NCAM1: variants seen among roughly 807,000 people sequenced by gnomAD.
NCAM1 encodes the protein neural cell adhesion molecule 1, also known as antigen recognized by monoclonal antibody 5.1H11.
NCAM1 carries 14 observed loss-of-function variants against 109.8 expected under a neutral mutation model. The ratio of observed to expected loss-of-function variants is 0.13; its 90% CI spans 0.08 to 0.20. The LOEUF is 0.20. Ranked by LOEUF, NCAM1 falls within the 10% of genes least tolerant of loss-of-function variation. The pLI, the probability that NCAM1 is intolerant of heterozygous loss-of-function variation, is 1.00. For synonymous variants in NCAM1, 418 were observed against 442.9 expected (o/e 0.94, Z 0.70); for missense variants, 774 against 1,109.9 (o/e 0.70, Z 4.30).
rs782342705 is a variant in NCAM1 at position 113,275,365 on chromosome 11, A to G, written c.2555A>G (p.Lys852Arg). 1.9e-6 allele frequency: 3 copies of G among 1,613,252 alleles called. No homozygotes were observed. The South Asian group carries it at 3.3e-5, about 18-fold the overall frequency. ...GTCCCCAATGACGCCACACAGACAAAGGAGAACGAGAGCAAAGCATGATGG... is the reference window on the plus strand; with the variant it reads ...GTCCCCAATGACGCCACACAGACAAGGGAGAACGAGAGCAAAGCATGATGG... ...KTVPNDATQT[K>R]ENESKA The change falls in exon 20 of 20, where the codon AAG (lysine) becomes AGG (arginine). Residue 852 changes from lysine to arginine, a missense_variant. This residue lies in a region of NCAM1 where 122 missense variants were observed against 129.7 expected (regional missense o/e 0.94). Transcript: ENST00000316851.
chr11:113,014,622 A>T (rs1555075007), intron 1 of NCAM1, among the ~76,000 whole-genome samples: 1 of 152,214 alleles, frequency 6.6e-6, no homozygotes, highest in African/African-American at 2.4e-5. Context: ...ACATAAGAGA[A>T]GTAGTTTGGG....
At chr11:113,082,273 G>T (rs1376557423) in intron 1 of NCAM1, among the ~76,000 whole-genome samples, 1 of 152,136 alleles carries the variant, frequency 6.6e-6, no homozygotes, top group Non-Finnish European at 1.5e-5. Flanking sequence ...TACTCTTAAG[G>T]CTACTTGGTA....
intron 1 of NCAM1, among the ~76,000 whole-genome samples, chr11:113,014,419 T>C (rs1209021352): frequency 7.2e-5 from 11 of 152,080 alleles, no homozygotes; most frequent in Non-Finnish European, 1.0e-4. Flanking sequence ...AGAGCCAGCT[T>C]GTAAAGTTAT....
intron 1 of NCAM1, among the ~76,000 whole-genome samples, chr11:113,129,005 AG>A (rs1432550251): frequency 1.3e-5 from 2 of 152,078 alleles, no homozygotes; most frequent in Admixed American, 6.5e-5. Context: ...GAGATTATAT[AG>A]AGCAAAAAAC....
At chr11:113,115,748 C>T (rs956278775) in intron 1 of NCAM1, among the ~76,000 whole-genome samples, 10 of 152,264 alleles carry the variant, frequency 6.6e-5, no homozygotes, top group Middle Eastern at 3.4e-3. Context: ...ATGCACTAGT[C>T]GAGAAACAGT....
At position 113,207,269 on chromosome 11, in the gene NCAM1, A is replaced by G; in HGVS notation, c.637A>G (p.Thr213Ala). 1 of 1,613,744 alleles carries G rather than the reference A, an allele frequency of 6.2e-7. No individual in the cohort carries two copies. The highest frequency in any genetic ancestry group is 8.5e-7 in the Non-Finnish European group (1 of 1,179,746). ...ACCCTTTTTTCCTTCAGTGCCACCT[A>G]CCATCCAGGCCAGGCAGAATATTGT... ...DIQVIVNVPP[T>A]IQARQNIVNA... Residue 213 changes from threonine to alanine, a missense_variant, in exon 6 of 20, where the codon ACC becomes GCC. By Grantham distance (58) the Thr-to-Ala change is moderately conservative. Transcript: ENST00000316851.
intron 1 of NCAM1, among the ~76,000 whole-genome samples, chr11:113,131,694 A>G (rs1170552060): frequency 6.6e-6 from 1 of 152,150 alleles, no homozygotes; most frequent in Non-Finnish European, 1.5e-5. Flanking sequence ...CAGGATGTCA[A>G]ATCTCTGCTG....
At chr11:113,153,655 G>A (rs888327355) in intron 1 of NCAM1, among the ~76,000 whole-genome samples, 2 of 152,200 alleles carry the variant, frequency 1.3e-5, no homozygotes, top group African/African-American at 4.8e-5. Context: ...GTGAGCAGTT[G>A]TATGTCTGAA....
chr11:112,972,864 AG>A (rs1230114821), intron 1 of NCAM1, among the ~76,000 whole-genome samples: 2 of 152,030 alleles, frequency 1.3e-5, no homozygotes, highest in Non-Finnish European at 2.9e-5. Context: ...GAAGGAAAGG[AG>A]GGCTGCTAGT....
chr11:113,128,068 T>A (rs1481699825), intron 1 of NCAM1, among the ~76,000 whole-genome samples: 1 of 152,224 alleles, frequency 6.6e-6, no homozygotes, highest in African/African-American at 2.4e-5. Flanking sequence ...TGGCCTGGTC[T>A]TATATTTTTC....
chr11:113,167,872 C>CGGGGTGT (rs1555105520), intron 1 of NCAM1, among the ~76,000 whole-genome samples: 1 of 152,044 alleles, frequency 6.6e-6, no homozygotes, highest in Non-Finnish European at 1.5e-5. Context: ...GGCGGTTGGG[C>CGGGGTGT]AGGGTGTATT....
At chr11:113,263,918 G>T (rs1946076454) in intron 17 of NCAM1, 1 of 985,416 alleles carries the variant, frequency 1.0e-6, no homozygotes, top group Non-Finnish European at 1.2e-6. Context: ...CAACCTGTCA[G>T]TGCTTCCTGA....
At chr11:113,186,572 C>A (rs1943514703) in intron 1 of NCAM1, among the ~76,000 whole-genome samples, 1 of 152,218 alleles carries the variant, frequency 6.6e-6, no homozygotes, top group Admixed American at 6.5e-5. Flanking sequence ...TACCTTCATT[C>A]CACATTCTTG....
chr11:113,231,468 T>C (rs1362461749), intron 9 of NCAM1, 177 bp from the exon 10 acceptor site: 3 of 861,438 alleles, frequency 3.5e-6, no homozygotes, highest in African/African-American at 3.4e-5. Context: ...TCCCAGTGCC[T>C]CCCCCATTAG....
Position 112,962,186 on chromosome 11 carries a change from C to T in NCAM1, c.52+522C>T, listed in dbSNP as rs1591189165. 6.6e-6 allele frequency among the ~76,000 whole-genome samples: 1 copy of T among 152,198 alleles called. No homozygotes were observed. The highest frequency in any genetic ancestry group is 2.4e-5 in the African/African-American group (1 of 41,454). On this transcript the variant is annotated intron_variant, in intron 1 of 19. Coordinates refer to ENST00000316851, the MANE Select transcript of NCAM1 (RefSeq NM_181351.5). This position sits in a 1 kb window ranked among gnomAD's most constrained non-coding sequence, Gnocchi z 5.6. ...AAGTCAGGATCGCTGCTTTGCTTCC[C>T]CCGCCCCAGAAGAATAACGGTTTGC... is the stretch of plus-strand genomic sequence containing the variant.
intron 1 of NCAM1, among the ~76,000 whole-genome samples, chr11:113,044,401 T>C (rs1953189255): frequency 6.6e-6 from 1 of 152,168 alleles, no homozygotes; most frequent in Non-Finnish European, 1.5e-5. Flanking sequence ...ACATGATTTG[T>C]AGGCTGGGTG....
intron 1 of NCAM1, among the ~76,000 whole-genome samples, chr11:113,107,217 T>A (rs1419768408): frequency 6.6e-6 from 1 of 152,186 alleles, no homozygotes; most frequent in Non-Finnish European, 1.5e-5. Flanking sequence ...GGGTTCTTGT[T>A]CCTGCTCTAC....
intron 7 of NCAM1, among the ~76,000 whole-genome samples, chr11:113,211,756 C>G (rs1221612963): frequency 6.6e-6 from 1 of 152,190 alleles, no homozygotes; most frequent in Non-Finnish European, 1.5e-5. Flanking sequence ...AGTGTCCAAC[C>G]TCTTTGTTCA....
chr11:112,992,666 A>C (rs1555070756), intron 1 of NCAM1, among the ~76,000 whole-genome samples: 3 of 151,702 alleles, frequency 2.0e-5, no homozygotes, highest in African/African-American at 7.3e-5. Flanking sequence ...ATGCCCGGCT[A>C]ATTTTTTTAT....
Sources: allele counts gnomAD v4.1 joint callset (sites outside exome capture counted in the v4.1 genomes callset), GRCh38; gene constraint gnomAD v4.1.1; regional missense constraint gnomAD v4.1.1; non-coding constraint Gnocchi (gnomAD v3.1); transcripts MANE v1.5; gene names NCBI Gene and HGNC (gene_info 2026-07-23, HGNC 2026-07-21).